The following GXYLT1 variants were observed in gnomAD, a reference collection of about 807,000 sequenced individuals.
GXYLT1 encodes glucoside xylosyltransferase 1.
Under a neutral mutation model 54.0 loss-of-function variants are expected in GXYLT1, and 29 were observed. That is an observed-to-expected ratio of 0.54 (90% CI 0.40 to 0.73). The LOEUF (loss-of-function observed/expected upper bound fraction) is 0.73, where lower values mean the gene tolerates loss of function less well. GXYLT1 is among the 30% of genes least tolerant of loss of function. The pLI, the probability that GXYLT1 is intolerant of heterozygous loss-of-function variation, is 0.00. For missense variants in GXYLT1, 490 were observed against 553.4 expected (o/e 0.89, Z 1.15); for synonymous variants, 176 against 204.1 (o/e 0.86, Z 1.17).
At chr12:42,123,889 A>G (rs1434298911) in intron 2 of GXYLT1, among the ~76,000 whole-genome samples, 1 of 151,946 alleles carries the variant, frequency 6.6e-6, no homozygotes, top group African/African-American at 2.4e-5. Context: ...AAAGAAAAAC[A>G]ACACCTTTTT....
intron 1 of GXYLT1, among the ~76,000 whole-genome samples, chr12:42,143,032 C>A (rs1406015558): frequency 6.6e-6 from 1 of 151,918 alleles, no homozygotes. Context: ...AGGCTATTTT[C>A]GAAAATTTCA....
intron 1 of GXYLT1, among the ~76,000 whole-genome samples, chr12:42,132,482 T>G (rs2065598540): frequency 6.6e-6 from 1 of 152,224 alleles, no homozygotes; most frequent in Non-Finnish European, 1.5e-5. Context: ...TTTAGAAAAT[T>G]TTTTAAAGCC....
Position 42,087,690 on chromosome 12 carries a change from A to C in GXYLT1, c.*96T>G. On this transcript the variant is annotated 3_prime_UTR_variant, in exon 8 of 8. Transcript: ENST00000398675. Reference sequence around the variant, plus strand: ...GAAAAAAAAAATTATTCTGGAGATGAGTAATTCCTTCCTGAATACTTCATC... The same window carrying C: ...GAAAAAAAAAATTATTCTGGAGATGCGTAATTCCTTCCTGAATACTTCATC... 2.4e-6 allele frequency: 2 copies of C among 834,232 alleles called. No homozygotes were observed. Among genetic ancestry groups the C allele is most frequent in the Non-Finnish European group, 3.6e-6 (2 of 551,994 alleles). The allele number at this position is 834,232 out of a possible 1,614,324, so 51.7% of individuals were successfully genotyped here.
intron 2 of GXYLT1, among the ~76,000 whole-genome samples, chr12:42,125,234 G>A (rs2065553670): frequency 6.6e-6 from 1 of 152,190 alleles, no homozygotes; most frequent in African/African-American, 2.4e-5. Context: ...CTGACATGTG[G>A]AGAAAGTCCG....
intron 7 of GXYLT1, among the ~76,000 whole-genome samples, chr12:42,091,841 T>C (rs930814532): frequency 9.9e-5 from 15 of 152,222 alleles, no homozygotes; most frequent in African/African-American, 3.4e-4. Flanking sequence ...TAACATGGCA[T>C]ACCACCTCCA....
At position 42,144,683 on chromosome 12, in the gene GXYLT1, CG is replaced by C. The variant is rs1198160600; in HGVS notation, c.-38del. 2.2e-6 allele frequency: 3 copies of C among 1,372,566 alleles called. No individual in the cohort carries two copies. The highest frequency in any genetic ancestry group is 2.8e-6 in the Non-Finnish European group (3 of 1,053,440). The allele number at this position is 1,372,566 out of a possible 1,614,324, so 85.0% of individuals were successfully genotyped here. On this transcript the variant is annotated 5_prime_UTR_variant, in exon 1 of 8. Transcript: ENST00000398675. ...CGCTCCTCCTTCGCCGCCGCCGCCG[CG>C]CCCGCCCCGACGAACTGGAGCGGAG...
chr12:42,096,418 A>C (rs1333646981), intron 7 of GXYLT1, among the ~76,000 whole-genome samples: 3 of 152,190 alleles, frequency 2.0e-5, no homozygotes, highest in African/African-American at 7.2e-5. Flanking sequence ...GAAGTAGCCA[A>C]TGGGGCTCCC....
At chr12:42,098,061 T>C (rs1397701076) in intron 5 of GXYLT1, 28 bp from the exon 6 acceptor site, 1 of 1,602,288 alleles carries the variant, frequency 6.2e-7, no homozygotes, top group Non-Finnish European at 8.5e-7. Context: ...CAAAAGAGCT[T>C]CAGACTTTCA....
chr12:42,114,159 T>C (rs2065477444), intron 3 of GXYLT1, among the ~76,000 whole-genome samples: 1 of 152,152 alleles, frequency 6.6e-6, no homozygotes, highest in Non-Finnish European at 1.5e-5. Context: ...CACCACTAAA[T>C]GCCCACAAGA....
intron 3 of GXYLT1, among the ~76,000 whole-genome samples, chr12:42,110,456 T>TA (rs2065446608): frequency 6.6e-6 from 1 of 152,240 alleles, no homozygotes; most frequent in Non-Finnish European, 1.5e-5. Context: ...TGATAGTGTT[T>TA]AAGTCATTTC....
chr12:42,141,082 A>G (rs1033082113), intron 1 of GXYLT1, among the ~76,000 whole-genome samples: 2 of 152,140 alleles, frequency 1.3e-5, no homozygotes, highest in African/African-American at 4.8e-5. Context: ...TCCAACACCA[A>G]TCATGTTATT....
At chr12:42,110,479 A>G (rs2065446789) in intron 3 of GXYLT1, among the ~76,000 whole-genome samples, 1 of 152,244 alleles carries the variant, frequency 6.6e-6, no homozygotes, top group South Asian at 2.1e-4. Flanking sequence ...AAACACTAAT[A>G]TCTTCCAATA....
At chr12:42,139,970 A>C (rs1227764720) in intron 1 of GXYLT1, among the ~76,000 whole-genome samples, 2 of 152,048 alleles carry the variant, frequency 1.3e-5, no homozygotes, top group African/African-American at 2.4e-5. Context: ...TCATAAGGTC[A>C]GGAGATGGAG....
chr12:42,115,266 G>C (rs1050858778), intron 3 of GXYLT1, among the ~76,000 whole-genome samples: 1 of 152,122 alleles, frequency 6.6e-6, no homozygotes. Flanking sequence ...ACATAGTGTT[G>C]GAAGTTCTGG....
At chr12:42,143,932 T>A (rs2065665073) in intron 1 of GXYLT1, among the ~76,000 whole-genome samples, 1 of 152,130 alleles carries the variant, frequency 6.6e-6, no homozygotes, top group Non-Finnish European at 1.5e-5. Context: ...TAACCATGGC[T>A]AATACTTAGA....
chr12:42,129,900 G>T, intron 1 of GXYLT1, 49 bp from the exon 2 acceptor site: 1 of 1,217,302 alleles, frequency 8.2e-7, no homozygotes, highest in South Asian at 1.3e-5. Flanking sequence ...ATTTTGGTTT[G>T]GAACTAACAA....
intron 5 of GXYLT1, among the ~76,000 whole-genome samples, chr12:42,103,637 A>C (rs1220149682): frequency 6.6e-6 from 1 of 152,220 alleles, no homozygotes; most frequent in Non-Finnish European, 1.5e-5. Context: ...GACAATCCTA[A>C]GTATAATAAA....
intron 1 of GXYLT1, among the ~76,000 whole-genome samples, chr12:42,139,037 C>CA (rs560482231): frequency 0.2 from 26,136 of 129,744 alleles, 2,423 homozygotes; most frequent in Admixed American, 0.26. Flanking sequence ...GACTCTGTCT[C>CA]AAAAAAAAAA....
At chr12:42,111,573 G>C (rs1319624556) in intron 3 of GXYLT1, among the ~76,000 whole-genome samples, 1 of 152,238 alleles carries the variant, frequency 6.6e-6, no homozygotes, top group Non-Finnish European at 1.5e-5. Context: ...GCGACAGCCA[G>C]GCTGGAGGCG....
Sources: gnomAD v4.1 joint callset for allele counts (sites outside exome capture counted in the v4.1 genomes callset) on GRCh38, gnomAD v4.1.1 for gene constraint, MANE v1.5 for transcripts, NCBI Gene and HGNC (gene_info 2026-07-23, HGNC 2026-07-21) for gene names.